Variants in ORC2 observed in about 807,000 individuals in gnomAD.
The protein encoded by ORC2 is origin recognition complex subunit 2.
ORC2 carries 37 observed loss-of-function variants against 77.7 expected under a neutral mutation model. The ratio of observed to expected loss-of-function variants is 0.48; its 90% confidence interval spans 0.37 to 0.63. ORC2 has a LOEUF of 0.63. ORC2 is among the 20% of genes least tolerant of loss of function. ORC2 has a pLI of 0.00. For missense variants in ORC2, 557 were observed against 661.9 expected, an observed-to-expected ratio of 0.84 and a Z score of 1.74; for synonymous variants, 201 against 229.5, an observed-to-expected ratio of 0.88 and a Z score of 1.12.
intron 5 of ORC2, among the ~76,000 whole-genome samples, chr2:200,948,936 T>A (rs1311649761): frequency 6.6e-6 from 1 of 151,916 alleles, no homozygotes; most frequent in South Asian, 2.1e-4. Context: ...TTCAAAAAAA[T>A]TTGTGAAGAA....
In ORC2 at chr2:200,913,345, G is replaced by A. The variant is rs554714404; in HGVS notation, c.1597C>T (p.Arg533Trp). 7.5e-6 allele frequency: 12 copies of A among 1,601,372 alleles called. No individual in the cohort carries two copies. The highest frequency in any genetic ancestry group is 6.6e-5 in the South Asian group (6 of 90,930). The change falls in exon 17 of 18, where the codon CGG (arginine) becomes TGG (tryptophan). Residue 533 changes from arginine to tryptophan, a missense_variant. Coordinates refer to ENST00000234296, the MANE Select transcript of ORC2 (RefSeq NM_006190.5). ...AFLVNSDLTLRAQLTEFRDHK... is the reference protein window; with the variant it reads ...AFLVNSDLTLWAQLTEFRDHK... The stretch of plus-strand genomic sequence containing the variant: ...TCCCTAAATTCAGTTAACTGGGCCC[G>A]GAGTGTCAGATCACTATTGACGAGG...
Position 200,963,582 on chromosome 2 carries a change from C to T in ORC2, c.-152G>A, listed in dbSNP as rs940005835. 1 of 398,532 alleles carries T rather than the reference C, an allele frequency of 2.5e-6. No homozygotes were observed. The highest frequency in any genetic ancestry group is 4.4e-6 in the Non-Finnish European group (1 of 226,000). 24.7% of individuals were successfully genotyped at this position (398,532 alleles called of 1,614,324 possible). On this transcript the variant is annotated 5_prime_UTR_variant, in exon 1 of 18. Coordinates refer to ENST00000234296, the MANE Select transcript of ORC2 (RefSeq NM_006190.5). ...CGCCGCAGGGAAGGTACCTTCGGCC[C>T]CAACGGGAAAAGCCAATTTCCAGTA... is the stretch of plus-strand genomic sequence containing the variant.
chr2:200,921,344 G>A (rs2040757511), intron 13 of ORC2: 8 of 298,642 alleles, frequency 2.7e-5, no homozygotes, highest in Non-Finnish European at 4.3e-5. Flanking sequence ...TGGTAGAGAC[G>A]GGGTCTCACT....
intron 13 of ORC2, 99 bp downstream of exon 13, chr2:200,925,737 A>AAAT (rs1302875557): frequency 2.4e-5 from 9 of 381,942 alleles, no homozygotes; most frequent in Admixed American, 3.7e-5. Flanking sequence ...ACTGTCTCAA[A>AAAT]AATAATAATA....
intron 5 of ORC2, among the ~76,000 whole-genome samples, chr2:200,945,543 G>A (rs1372599828): frequency 1.3e-5 from 2 of 152,050 alleles, no homozygotes; most frequent in East Asian, 1.9e-4. Flanking sequence ...CGTTCCAGCC[G>A]GGGCAATACA....
intron 4 of ORC2, among the ~76,000 whole-genome samples, chr2:200,951,485 A>G (rs2041355678): frequency 6.6e-6 from 1 of 152,246 alleles, no homozygotes; most frequent in African/African-American, 2.4e-5. Context: ...TTAACTAGAG[A>G]TAAATGAGTT....
rs180745926 is a variant in ORC2, at chr2:200,957,934, C to T, written c.94+96G>A. On this transcript the variant is annotated intron_variant, in intron 3 of 17. Transcript: ENST00000234296. The stretch of plus-strand genomic sequence containing the variant: ...TTACTAACCAGATCAATCCTTTGCG[C>T]TATATTTTCAAAAGAAAATGTTAAA... The T allele has an allele frequency of 1.9e-4, 144 of 769,114 alleles. No homozygotes were observed. The East Asian group carries it at 3.0e-3, about 16-fold the overall frequency. The allele number at this position is 769,114 out of a possible 1,614,324, so 47.6% of individuals were successfully genotyped here. A position where few individuals can be genotyped will look rare whatever the true frequency, so the allele number is the denominator to read the frequency against.
At chr2:200,950,369 A>T (rs1177126857) in intron 4 of ORC2, among the ~76,000 whole-genome samples, 1 of 152,136 alleles carries the variant, frequency 6.6e-6, no homozygotes, top group Non-Finnish European at 1.5e-5. Flanking sequence ...CTTAACTGAC[A>T]TTCTTCAATC....
chr2:200,948,104 G>A (rs575026492), intron 5 of ORC2, among the ~76,000 whole-genome samples: 35 of 151,468 alleles, frequency 2.3e-4, no homozygotes, highest in African/African-American at 7.5e-4. Flanking sequence ...TAGTAGAGAC[G>A]GGGTTTCACT....
Position 200,959,414 on chromosome 2 carries a change from G to A in ORC2, c.-33C>T, listed in dbSNP as rs2041528933. On this transcript the variant is annotated 5_prime_UTR_variant, in exon 2 of 18. Coordinates refer to ENST00000234296, the MANE Select transcript of ORC2 (RefSeq NM_006190.5). ...TACCTTTTAAGGTACTACACATTCTGCAGCTGCAAAATTCAGATACAGTCA... is the reference window on the plus strand; with the variant it reads ...TACCTTTTAAGGTACTACACATTCTACAGCTGCAAAATTCAGATACAGTCA... 2 of 152,146 alleles carry A rather than the reference G, an allele frequency of 1.3e-5. No individual in the cohort carries two copies. Among genetic ancestry groups the A allele is most frequent in the Non-Finnish European group, 2.9e-5 (2 of 68,026 alleles). 9.4% of individuals were successfully genotyped at this position (152,146 alleles called of 1,614,324 possible).
At chr2:200,936,557 A>G (rs1374449548) in intron 8 of ORC2, among the ~76,000 whole-genome samples, 1 of 152,222 alleles carries the variant, frequency 6.6e-6, no homozygotes, top group African/African-American at 2.4e-5. Flanking sequence ...CACATCAACC[A>G]TGGAACTTGC....
At chr2:200,921,956 A>G (rs1270835895) in intron 13 of ORC2, among the ~76,000 whole-genome samples, 1 of 151,968 alleles carries the variant, frequency 6.6e-6, no homozygotes, top group Non-Finnish European at 1.5e-5. Context: ...CAGCTTTAAT[A>G]AGGCATGGGA....
chr2:200,953,634 C>T (rs946049570), intron 4 of ORC2, among the ~76,000 whole-genome samples: 1 of 152,138 alleles, frequency 6.6e-6, no homozygotes, highest in Non-Finnish European at 1.5e-5. Flanking sequence ...GGTATTTGTA[C>T]ACCCATGTTC....
At chr2:200,920,138 G>T in intron 15 of ORC2, 84 bp downstream of exon 15, 1 of 951,782 alleles carries the variant, frequency 1.1e-6, no homozygotes, top group Non-Finnish European at 1.5e-6. Flanking sequence ...ACTAACTAGG[G>T]ACTTCAGTAT....
chr2:200,944,802 A>G (rs1429330637), intron 5 of ORC2, among the ~76,000 whole-genome samples: 1 of 152,196 alleles, frequency 6.6e-6, no homozygotes, highest in Non-Finnish European at 1.5e-5. Flanking sequence ...GGCCTCTCAA[A>G]GTGCTAAGAT....
Position 200,910,575 on chromosome 2 carries a change from GTA to G in ORC2, c.*724_*725del, listed in dbSNP as rs2040534388. On this transcript the variant is annotated 3_prime_UTR_variant, in exon 18 of 18. Transcript: ENST00000234296. ...ATTTCTCTAGCCTGGCTTCTCACTG[GTA>G]TCATGAAGGTCATGGCACAGACAAT... is the stretch of plus-strand genomic sequence containing the variant. 1 of 152,128 alleles carries G rather than the reference GTA, an allele frequency of 6.6e-6. No homozygotes were observed. Among genetic ancestry groups the G allele is most frequent in the Non-Finnish European group, 1.5e-5 (1 of 68,012 alleles). 9.4% of individuals were successfully genotyped at this position (152,128 alleles called of 1,614,324 possible). A position where few individuals can be genotyped will look rare whatever the true frequency, so the allele number is the denominator to read the frequency against.
intron 5 of ORC2, 109 bp downstream of exon 5, chr2:200,949,445 T>A: frequency 1.5e-6 from 1 of 650,570 alleles, no homozygotes; most frequent in Non-Finnish European, 2.8e-6. Context: ...ATAGGGAATC[T>A]CTCTTCATTC....
chr2:200,961,693 C>T (rs2041577518), intron 1 of ORC2, among the ~76,000 whole-genome samples: 2 of 152,040 alleles, frequency 1.3e-5, no homozygotes, highest in South Asian at 2.1e-4. Flanking sequence ...CTGTGTACTA[C>T]AAAGGATTTG....
At chr2:200,950,438 A>G (rs1376153390) in intron 4 of ORC2, among the ~76,000 whole-genome samples, 2 of 152,206 alleles carry the variant, frequency 1.3e-5, no homozygotes, top group African/African-American at 4.8e-5. Flanking sequence ...CTAGTATCCT[A>G]CTTTCTATCA....
Sources: allele counts gnomAD v4.1 joint callset (sites outside exome capture counted in the v4.1 genomes callset), GRCh38; gene constraint gnomAD v4.1.1; transcripts MANE v1.5; gene names NCBI Gene and HGNC (gene_info 2026-07-23, HGNC 2026-07-21).